The following FAM120A variants were observed in gnomAD, a reference collection of about 807,000 sequenced individuals.
The protein encoded by FAM120A is constitutive coactivator of PPAR-gamma-like protein 1.
FAM120A carries 15 observed loss-of-function variants against 109.7 expected under a neutral mutation model. The observed-to-expected ratio is 0.14, with a 90% CI of 0.09 to 0.21. The LOEUF is 0.21. Ranked by LOEUF, FAM120A falls within the 10% of genes least tolerant of loss-of-function variation. The probability of loss-of-function intolerance (pLI) is 1.00; values close to 1 mark genes in which losing one functional copy is unlikely to be tolerated. For missense variants in FAM120A, 899 were observed against 1,439.3 expected, an observed-to-expected ratio of 0.62 and a Z score of 6.07; for synonymous variants, 493 against 572.8, an observed-to-expected ratio of 0.86 and a Z score of 1.99.
chr9:93,554,149 A>ACACG (rs1465603392), intron 12 of FAM120A, among the ~76,000 whole-genome samples: 1 of 149,090 alleles, frequency 6.7e-6, no homozygotes, highest in Non-Finnish European at 1.5e-5. Flanking sequence ...ACACACACAC[A>ACACG]CACACACACA....
intron 3 of FAM120A, among the ~76,000 whole-genome samples, chr9:93,496,118 G>T (rs369763580): frequency 1.3e-5 from 2 of 152,162 alleles, no homozygotes; most frequent in East Asian, 3.9e-4. Context: ...TTCTAATTCT[G>T]ATTCTCTTGC....
intron 1 of FAM120A, among the ~76,000 whole-genome samples, chr9:93,465,862 G>T (rs540220037): frequency 2.2e-4 from 33 of 152,292 alleles, no homozygotes; most frequent in African/African-American, 7.9e-4. Context: ...TTTTCTGTTT[G>T]TCTTTGGTGA....
chr9:93,487,315 C>T (rs766225736), intron 3 of FAM120A, among the ~76,000 whole-genome samples: 91 of 152,204 alleles, frequency 6.0e-4, no homozygotes, highest in Non-Finnish European at 1.0e-3. Flanking sequence ...GTGTGCGCCA[C>T]CATGCCCAGC....
chr9:93,464,893 A>G (rs1235117170), intron 1 of FAM120A, among the ~76,000 whole-genome samples: 1 of 152,218 alleles, frequency 6.6e-6, no homozygotes, highest in Non-Finnish European at 1.5e-5. Flanking sequence ...AATAATCTGA[A>G]CATTGCGTTT....
intron 5 of FAM120A, among the ~76,000 whole-genome samples, chr9:93,513,162 G>T (rs1860409671): frequency 6.6e-6 from 1 of 152,198 alleles, no homozygotes; most frequent in South Asian, 2.1e-4. Context: ...AGCTTGAATA[G>T]ATTTTATAAT....
chr9:93,451,708 G>A lies in FAM120A; in HGVS notation c.-208G>A, dbSNP rs1179217700. ...GCCTCGGCCTCGCAGCGGCGGCAGCGGCGGCGGCGGCAGGTCCCTCCCCAG... is the reference window on the plus strand; with the variant it reads ...GCCTCGGCCTCGCAGCGGCGGCAGCAGCGGCGGCGGCAGGTCCCTCCCCAG... On this transcript the variant is annotated 5_prime_UTR_variant, in exon 1 of 18. Coordinates refer to ENST00000277165, the MANE Select transcript of FAM120A (RefSeq NM_014612.5). 4 of 980,248 alleles carry A rather than the reference G, an allele frequency of 4.1e-6. No homozygotes were observed. Among genetic ancestry groups the A allele is most frequent in the African/African-American group, 1.8e-5 (1 of 55,562 alleles). The allele number at this position is 980,248 out of a possible 1,614,324, so 60.7% of individuals were successfully genotyped here.
chr9:93,502,574 A>ACACACACACG (rs1190190257), intron 5 of FAM120A, among the ~76,000 whole-genome samples: 2 of 151,264 alleles, frequency 1.3e-5, no homozygotes, highest in Admixed American at 6.6e-5. Context: ...ATACACACAC[A>ACACACACACG]CACACACACA....
intron 10 of FAM120A, among the ~76,000 whole-genome samples, chr9:93,539,471 A>T (rs2131503890): frequency 6.6e-6 from 1 of 152,358 alleles, no homozygotes; most frequent in Admixed American, 6.5e-5. Flanking sequence ...AGAGGTTTTC[A>T]GTTAGATGAG....
rs1431020118 is a variant in FAM120A, at chr9:93,505,163, C to G, written c.1030+6277C>G. 2.0e-5 allele frequency among the ~76,000 whole-genome samples: 3 copies of G among 149,288 alleles called. No homozygotes were observed. In the Admixed American group the frequency reaches 2.0e-4, roughly 10 times the overall value. On this transcript the variant is annotated intron_variant, in intron 5 of 17. Transcript: ENST00000277165. ...GCAAGCTCCGCCTCCCAGGTTCACA[C>G]CATTCTCCTGCCTCAGCTTCCCGAG... is the stretch of plus-strand genomic sequence containing the variant.
intron 3 of FAM120A, among the ~76,000 whole-genome samples, chr9:93,482,835 G>T (rs1001939021): frequency 6.6e-6 from 1 of 152,144 alleles, no homozygotes. Context: ...GGTGGCTGTT[G>T]CAGCTGCTGC....
At chr9:93,469,418 A>G (rs1238247982) in intron 1 of FAM120A, among the ~76,000 whole-genome samples, 2 of 152,190 alleles carry the variant, frequency 1.3e-5, no homozygotes, top group Non-Finnish European at 2.9e-5. Context: ...GTCTCCTTTC[A>G]TTTTCGTGTC....
rs1430416494 is a variant in FAM120A at position 93,526,068 on chromosome 9, A to C, written c.1419-1087A>C. ...TGTGAGTCAGTTACAAAGGCAGGCC[A>C]GTTGACCCATGCTGGCATGTCCTAT... On this transcript the variant is annotated intron_variant, in intron 7 of 17. Transcript: ENST00000277165. 1.3e-5 allele frequency among the ~76,000 whole-genome samples: 2 copies of C among 152,260 alleles called. 1 individual carries two copies. Among genetic ancestry groups the C allele is most frequent in the South Asian group, 4.1e-4 (2 of 4,832 alleles).
chr9:93,511,031 A>G (rs1860293596), intron 5 of FAM120A, among the ~76,000 whole-genome samples: 1 of 151,836 alleles, frequency 6.6e-6, no homozygotes, highest in East Asian at 1.9e-4. Flanking sequence ...TGAGCAGTCC[A>G]GCAGTCAGTA....
chr9:93,494,033 C>T (rs561526005), intron 3 of FAM120A, among the ~76,000 whole-genome samples: 17 of 152,244 alleles, frequency 1.1e-4, no homozygotes, highest in Non-Finnish European at 2.1e-4. Flanking sequence ...GTGCACCTTG[C>T]GAAGTCTCTG....
At chr9:93,482,499 C>T (rs928618746) in intron 3 of FAM120A, among the ~76,000 whole-genome samples, 1 of 152,102 alleles carries the variant, frequency 6.6e-6, no homozygotes, top group African/African-American at 2.4e-5. Flanking sequence ...CCATTCACCT[C>T]GAATTTTTCC....
Position 93,463,186 on chromosome 9 carries a change from TC to T in FAM120A, c.475-7954del, listed in dbSNP as rs553062592. On this transcript the variant is annotated intron_variant, in intron 1 of 17. Transcript: ENST00000277165. ...ATATTCTTGTTGACATTTGTTATTT[TC>T]TTTTTTTTAAAAAAATAGTAGCCAT... is the stretch of plus-strand genomic sequence containing the variant. Among the ~76,000 whole-genome samples, 572 of 152,294 alleles carry T rather than the reference TC, an allele frequency of 3.8e-3. 2 individuals are homozygous for T. The highest frequency in any genetic ancestry group is 6.2e-3 in the Non-Finnish European group (424 of 68,022).
intron 10 of FAM120A, among the ~76,000 whole-genome samples, chr9:93,534,522 C>T (rs1198494813): frequency 6.6e-6 from 1 of 152,100 alleles, no homozygotes; most frequent in Non-Finnish European, 1.5e-5. Flanking sequence ...AGGATGGTGG[C>T]AGCAGGTGGC....
chr9:93,464,876 A>T (rs1341012971), intron 1 of FAM120A, among the ~76,000 whole-genome samples: 4 of 152,260 alleles, frequency 2.6e-5, no homozygotes, highest in African/African-American at 9.6e-5. Flanking sequence ...GAGGGGGTTC[A>T]AAATCAAATA....
chr9:93,563,996 T>C (rs986342477), intron 17 of FAM120A, among the ~76,000 whole-genome samples: 7 of 152,196 alleles, frequency 4.6e-5, no homozygotes, highest in African/African-American at 1.7e-4. Context: ...ATCTCCCTCA[T>C]TTTCAGGGTG....
Sources: allele counts gnomAD v4.1 joint callset (sites outside exome capture counted in the v4.1 genomes callset), GRCh38; gene constraint gnomAD v4.1.1; transcripts MANE v1.5; gene names NCBI Gene and HGNC (gene_info 2026-07-23, HGNC 2026-07-21).